Variants in ENAH observed in about 807,000 individuals in gnomAD.
ENAH encodes the protein ENAH actin regulator.
ENAH carries 23 observed loss-of-function variants against 78.7 expected under a neutral mutation model. That is an observed-to-expected ratio of 0.29 (90% confidence interval 0.21 to 0.41). The LOEUF is 0.41. ENAH is among the 10% of genes least tolerant of loss of function. The probability of loss-of-function intolerance (pLI) is 1.00; values close to 1 mark genes in which losing one functional copy is unlikely to be tolerated. For synonymous variants in ENAH, 226 were observed against 241.0 expected, an observed-to-expected ratio of 0.94 and a Z score of 0.58; for missense variants, 544 against 691.0, an observed-to-expected ratio of 0.79 and a Z score of 2.39.
At chr1:225,581,969 A>T (rs1483478898) in intron 1 of ENAH, among the ~76,000 whole-genome samples, 4 of 152,062 alleles carry the variant, frequency 2.6e-5, no homozygotes, top group African/African-American at 9.7e-5. Context: ...TTTATAGAAC[A>T]ACTATATGAA....
At chr1:225,545,662 T>C (rs1281414525) in intron 3 of ENAH, among the ~76,000 whole-genome samples, 1 of 152,210 alleles carries the variant, frequency 6.6e-6, no homozygotes, top group African/African-American at 2.4e-5. Flanking sequence ...TCAATTGCTT[T>C]TGTATTCAGT....
In ENAH at chr1:225,519,305, C is replaced by T. The variant is rs770948804; in HGVS notation, c.695G>A (p.Arg232Gln). 22 of 1,613,752 alleles carry T rather than the reference C, an allele frequency of 1.4e-5. No individual in the cohort carries two copies. Among genetic ancestry groups the T allele is most frequent in the South Asian group, 4.4e-5 (4 of 91,062 alleles). The stretch of plus-strand genomic sequence containing the variant: ...CCGTTCCAGTCTCTCCAGCCTCTCT[C>T]GTTCTTGTCTTTCTTGCCTCTCCCG... ...LDRERQERQE[R>Q]ERLERLERER... The change falls in exon 5 of 14, where the codon CGA becomes CAA. Residue 232 changes from arginine (R) to glutamine (Q), a missense_variant. By Grantham distance (43) the Arg-to-Gln change is conservative (BLOSUM62 1). Coordinates refer to ENST00000366843, the MANE Select transcript of ENAH (RefSeq NM_018212.6).
rs1333856400 is a variant in ENAH, at chr1:225,491,874, T to G, written c.*5901A>C. On this transcript the variant is annotated 3_prime_UTR_variant, in exon 14 of 14. Transcript: ENST00000366843. ...ATCATCCATCTCCTTTATTAGTTAT[T>G]TCTTTATGCTTTTAGAATTGTCATC... is the stretch of plus-strand genomic sequence containing the variant. 6.6e-6 allele frequency: 1 copy of G among 152,212 alleles called. No homozygotes were observed. Among genetic ancestry groups the G allele is most frequent in the Admixed American group, 6.5e-5 (1 of 15,282 alleles). The allele number at this position is 152,212 out of a possible 1,614,324, so 9.4% of individuals were successfully genotyped here. A position where few individuals can be genotyped will look rare whatever the true frequency, so the allele number is the denominator to read the frequency against.
Position 225,644,442 on chromosome 1 carries a change from A to G in ENAH, c.5+8244T>C, listed in dbSNP as rs560512928. On this transcript the variant is annotated intron_variant, in intron 1 of 13. Coordinates refer to ENST00000366843, the MANE Select transcript of ENAH (RefSeq NM_018212.6). ...CGGTCACAATTTTGCTTGCAATATCAGTCTAACATGAGAATTTGGGGGAGG... is the reference window on the plus strand; with the variant it reads ...CGGTCACAATTTTGCTTGCAATATCGGTCTAACATGAGAATTTGGGGGAGG... 7.3e-4 allele frequency among the ~76,000 whole-genome samples: 111 copies of G among 152,312 alleles called. 1 individual carries two copies. Among genetic ancestry groups the G allele is most frequent in the African/African-American group, 2.5e-3 (104 of 41,590 alleles).
In ENAH at chr1:225,495,914, C is replaced by G. The variant is rs2096248039; in HGVS notation, c.*1861G>C. 6.6e-6 allele frequency: 1 copy of G among 152,288 alleles called. No individual in the cohort carries two copies. The highest frequency in any genetic ancestry group is 2.4e-5 in the African/African-American group (1 of 41,324). The allele number at this position is 152,288 out of a possible 1,614,324, so 9.4% of individuals were successfully genotyped here. A position where few individuals can be genotyped will look rare whatever the true frequency, so the allele number is the denominator to read the frequency against. ...AATGAAATTTCTACAGAAACAGGAA[C>G]TATTTTGACAAAGAAAAAAAAAATC... On this transcript the variant is annotated 3_prime_UTR_variant, in exon 14 of 14. Coordinates refer to ENST00000366843, the MANE Select transcript of ENAH (RefSeq NM_018212.6).
intron 1 of ENAH, among the ~76,000 whole-genome samples, chr1:225,596,574 C>G (rs2096902870): frequency 6.6e-6 from 1 of 152,174 alleles, no homozygotes; most frequent in South Asian, 2.1e-4. Flanking sequence ...TAACTATACT[C>G]CTCAAATAGC....
intron 1 of ENAH, among the ~76,000 whole-genome samples, chr1:225,582,072 T>G (rs1360341406): frequency 1.3e-5 from 2 of 152,066 alleles, no homozygotes; most frequent in African/African-American, 2.4e-5. Context: ...GACAGGATAA[T>G]GAGGGTCGTC....
intron 2 of ENAH, among the ~76,000 whole-genome samples, chr1:225,555,597 A>T (rs1575512081): frequency 6.6e-6 from 1 of 151,278 alleles, no homozygotes; most frequent in Non-Finnish European, 1.5e-5. Context: ...AAAAAAAAGT[A>T]AATCAGCAAA....
intron 3 of ENAH, among the ~76,000 whole-genome samples, chr1:225,547,366 G>A (rs147181593): frequency 5.9e-5 from 9 of 152,060 alleles, no homozygotes; most frequent in African/African-American, 1.2e-4. Context: ...CACTGCACCC[G>A]GCCAAGACCT....
At chr1:225,511,300 C>G (rs908232256) in intron 10 of ENAH, among the ~76,000 whole-genome samples, 15 of 152,144 alleles carry the variant, frequency 9.9e-5, no homozygotes, top group African/African-American at 3.6e-4. Flanking sequence ...TCAAGTACTT[C>G]TAGTGAAATA....
At chr1:225,514,138 A>C (rs1349199638) in intron 7 of ENAH, among the ~76,000 whole-genome samples, 3 of 152,214 alleles carry the variant, frequency 2.0e-5, no homozygotes, top group African/African-American at 7.2e-5. Flanking sequence ...CTTCACTATA[A>C]AAATTTAAAT....
chr1:225,595,767 TAACA>T (rs1178053691), intron 1 of ENAH, among the ~76,000 whole-genome samples: 2 of 152,208 alleles, frequency 1.3e-5, no homozygotes, highest in Non-Finnish European at 2.9e-5. Flanking sequence ...GAATTTCATC[TAACA>T]TTTAGGAATA....
chr1:225,516,194 G>A (rs180778874), intron 6 of ENAH, among the ~76,000 whole-genome samples: 103 of 152,170 alleles, frequency 6.8e-4, no homozygotes, highest in Non-Finnish European at 9.7e-4. Context: ...AGGTAGGGAC[G>A]GGGAGAATAA....
chr1:225,558,529 T>G (rs1312894464), intron 2 of ENAH, among the ~76,000 whole-genome samples: 1 of 151,950 alleles, frequency 6.6e-6, no homozygotes, highest in African/African-American at 2.4e-5. Flanking sequence ...TTCATAATGG[T>G]TAAACCATTT....
intron 4 of ENAH, among the ~76,000 whole-genome samples, chr1:225,526,104 A>G (rs1261652978): frequency 6.6e-6 from 1 of 152,188 alleles, no homozygotes. Flanking sequence ...CTAGACGATC[A>G]ATGAGTTCCA....
At chr1:225,631,318 G>A (rs913910679) in intron 1 of ENAH, among the ~76,000 whole-genome samples, 1 of 151,946 alleles carries the variant, frequency 6.6e-6, no homozygotes, top group East Asian at 1.9e-4. Flanking sequence ...GCTCATGCCT[G>A]TAATCCCAGC....
rs752779718 is a variant in ENAH, at chr1:225,514,877, G to A, written c.937C>T (p.Pro313Ser). The stretch of plus-strand genomic sequence containing the variant: ...GGTGGGAGTGGTGGAGGAGGTGGAG[G>A]TGCAAGTGGTCCCAAGACAATGCCT... ...QQGIVLGPLA[P>S]PPPPPLPPGP... Residue 313 changes from proline (P) to serine (S), a missense_variant, in exon 7 of 14, where the codon CCT (proline) becomes TCT (serine). Pro to Ser is a moderately conservative substitution (Grantham distance 74). This residue lies in a region of ENAH where 366 missense variants were observed against 396.1 expected (regional missense o/e 0.92). Transcript: ENST00000366843. 3 of 1,610,160 alleles carry A rather than the reference G, an allele frequency of 1.9e-6. No homozygotes were observed. In the South Asian group the frequency reaches 3.3e-5, roughly 18 times the overall value.
chr1:225,612,840 C>CAA (rs58398492), intron 1 of ENAH, among the ~76,000 whole-genome samples: 2 of 147,388 alleles, frequency 1.4e-5, no homozygotes, highest in African/African-American at 4.9e-5. Context: ...TACAATAATG[C>CAA]AAAAAAAAGG....
At chr1:225,620,992 T>C (rs1656765581) in intron 1 of ENAH, among the ~76,000 whole-genome samples, 1 of 151,830 alleles carries the variant, frequency 6.6e-6, no homozygotes, top group South Asian at 2.1e-4. Context: ...GTAACAGAGC[T>C]AGACTCCATC....
Sources: allele counts gnomAD v4.1 joint callset (sites outside exome capture counted in the v4.1 genomes callset), GRCh38; gene constraint gnomAD v4.1.1; regional missense constraint gnomAD v4.1.1; transcripts MANE v1.5; gene names NCBI Gene and HGNC (gene_info 2026-07-23, HGNC 2026-07-21).